The following TLN2 variants were observed in gnomAD, a reference collection of about 807,000 sequenced individuals.
The protein encoded by TLN2 is talin 2, also known as talin-2.
In TLN2, 118 loss-of-function variants were observed where a neutral mutation model predicts 294.7. The ratio of observed to expected loss-of-function variants is 0.40; its 90% CI spans 0.34 to 0.47. The LOEUF (loss-of-function observed/expected upper bound fraction) is 0.47, where lower values mean the gene tolerates loss of function less well. TLN2 is among the 20% of genes least tolerant of loss of function. The probability of loss-of-function intolerance (pLI) is 0.84; values close to 1 mark genes in which losing one functional copy is unlikely to be tolerated. For missense variants in TLN2, 3,083 were observed against 3,282.2 expected (o/e 0.94, Z 1.48); for synonymous variants, 1,431 against 1,304.5 (o/e 1.10, Z -2.09).
At chr15:62,582,219 C>CAGACACACACACAT (rs1555435622) in intron 1 of TLN2, among the ~76,000 whole-genome samples, 2 of 135,312 alleles carry the variant, frequency 1.5e-5, no homozygotes, top group Non-Finnish European at 3.2e-5. Flanking sequence ...CACACACACA[C>CAGACACACACACAT]ACACACACAC....
chr15:62,508,196 A>G (rs921662491), intron 1 of TLN2, among the ~76,000 whole-genome samples: 4 of 152,028 alleles, frequency 2.6e-5, no homozygotes, highest in Non-Finnish European at 5.9e-5. Context: ...AGCCCTATAG[A>G]TGATTTTTTA....
intron 1 of TLN2, among the ~76,000 whole-genome samples, chr15:62,508,792 G>T (rs1042832306): frequency 4.6e-5 from 7 of 151,674 alleles, no homozygotes; most frequent in African/African-American, 9.7e-5. Flanking sequence ...TTACGTTTTT[G>T]TGTGTGTGTG....
At position 62,689,068 on chromosome 15, in the gene TLN2, C is replaced by CTCTT. The variant is rs1370271461; in HGVS notation, c.1113+2273_1113+2274insCTTT. Among the ~76,000 whole-genome samples the CTCTT allele has an allele frequency of 2.2e-4, 26 of 116,640 alleles. No individual in the cohort carries two copies. In the East Asian group the frequency reaches 4.3e-3, roughly 19 times the overall value. 76.5% of individuals were successfully genotyped at this position (116,640 alleles called of 152,430 possible). On this transcript the variant is annotated intron_variant, in intron 12 of 58. Transcript: ENST00000636159. ...GTTTGTCCACTTTATTTCTCTCTCTCTTTTTTTTTTTTTTTTTGCCTTTTC... is the reference window on the plus strand; with the variant it reads ...GTTTGTCCACTTTATTTCTCTCTCTCTCTTTTTTTTTTTTTTTTTTTGCCTTTTC...
chr15:62,753,941 T>A, intron 36 of TLN2, 25 bp downstream of exon 36: 1 of 1,551,584 alleles, frequency 6.4e-7, no homozygotes, highest in Non-Finnish European at 8.7e-7. Flanking sequence ...GGATGTAAGA[T>A]TTCAAGCCCT....
intron 1 of TLN2, among the ~76,000 whole-genome samples, chr15:62,564,916 A>AT (rs1412903757): frequency 0.01 from 1,363 of 134,362 alleles, 24 homozygotes; most frequent in African/African-American, 0.037. Context: ...AAAAAAAAAA[A>AT]AAAAAAAAAA....
At chr15:62,550,200 G>A (rs779837430) in intron 1 of TLN2, among the ~76,000 whole-genome samples, 1 of 152,120 alleles carries the variant, frequency 6.6e-6, no homozygotes, top group Admixed American at 6.6e-5. Flanking sequence ...GAAGTTAAAG[G>A]CATCAGCCAG....
chr15:62,650,733 G>A (rs1567264454), intron 5 of TLN2, among the ~76,000 whole-genome samples: 1 of 152,162 alleles, frequency 6.6e-6, no homozygotes, highest in Non-Finnish European at 1.5e-5. Context: ...CCGGGTTTTG[G>A]TATGTAGGGT....
chr15:62,532,763 C>T lies in TLN2; in HGVS notation c.-237-56924C>T, dbSNP rs117108781. Among the ~76,000 whole-genome samples the T allele has an allele frequency of 5.8e-3, 879 of 152,224 alleles. 3 individuals carry two copies. The highest frequency in any genetic ancestry group is 9.2e-3 in the Non-Finnish European group (629 of 68,018). On this transcript the variant is annotated intron_variant, in intron 1 of 58. Coordinates refer to ENST00000636159, the MANE Select transcript of TLN2 (RefSeq NM_015059.3). ...TAGTGTTTTAGCCACAATCATTTAC[C>T]TGCTGTGTGACCTTGGGTAAGAATT...
At chr15:62,608,658 G>C (rs2047652423) in intron 2 of TLN2, among the ~76,000 whole-genome samples, 1 of 152,128 alleles carries the variant, frequency 6.6e-6, no homozygotes, top group South Asian at 2.1e-4. Flanking sequence ...GGAAGACACG[G>C]GGACAAGGGA....
chr15:62,421,071 T>C (rs1352583541), intron 1 of TLN2, among the ~76,000 whole-genome samples: 1 of 152,202 alleles, frequency 6.6e-6, no homozygotes, highest in Admixed American at 6.5e-5. Flanking sequence ...CTGGAAAACT[T>C]CATAATTTTG....
intron 19 of TLN2, among the ~76,000 whole-genome samples, chr15:62,703,759 C>T (rs557621062): frequency 2.0e-5 from 3 of 152,216 alleles, no homozygotes; most frequent in Admixed American, 2.0e-4. Context: ...CCTTCTTTTT[C>T]AATACCAGGG....
intron 33 of TLN2, among the ~76,000 whole-genome samples, chr15:62,749,442 A>C (rs2061798216): frequency 6.6e-6 from 1 of 152,226 alleles, no homozygotes. Flanking sequence ...TCCGTCCCTT[A>C]TTGATATCCT....
intron 11 of TLN2, among the ~76,000 whole-genome samples, chr15:62,677,023 C>A (rs952272054): frequency 1.3e-5 from 2 of 152,320 alleles, no homozygotes; most frequent in African/African-American, 4.8e-5. Flanking sequence ...TTCCCTGATT[C>A]ACAGATGGTG....
chr15:62,638,585 A>G (rs2050645094), intron 3 of TLN2: 1 of 455,834 alleles, frequency 2.2e-6, no homozygotes, highest in Non-Finnish European at 4.4e-6. Flanking sequence ...AACTTTGGGA[A>G]GGTCTCTTGA....
intron 4 of TLN2, among the ~76,000 whole-genome samples, chr15:62,647,783 T>C (rs565944531): frequency 6.6e-6 from 1 of 152,340 alleles, no homozygotes; most frequent in East Asian, 1.9e-4. Context: ...TGGCGGTATG[T>C]GTCCTAAACC....
At chr15:62,434,275 T>A (rs1234763707) in intron 1 of TLN2, among the ~76,000 whole-genome samples, 1 of 152,188 alleles carries the variant, frequency 6.6e-6, no homozygotes, top group Non-Finnish European at 1.5e-5. Context: ...ATATATAGTA[T>A]ATAAGGTGTG....
chr15:62,524,152 C>T (rs1419138766), intron 1 of TLN2, among the ~76,000 whole-genome samples: 1 of 152,302 alleles, frequency 6.6e-6, no homozygotes, highest in East Asian at 1.9e-4. Flanking sequence ...ACCTGGAATT[C>T]TTTGTGTGTG....
intron 7 of TLN2, among the ~76,000 whole-genome samples, chr15:62,653,706 G>A (rs775854164): frequency 6.6e-6 from 1 of 150,620 alleles, no homozygotes; most frequent in African/African-American, 2.4e-5. Flanking sequence ...CAGCCTGGGT[G>A]ACAGAGTGAG....
At chr15:62,784,116 G>A in intron 45 of TLN2, 1 of 643,160 alleles carries the variant, frequency 1.6e-6, no homozygotes, top group Non-Finnish European at 2.5e-6. Context: ...TGGGGCATGG[G>A]CTTTCAGACA....
Sources: allele counts gnomAD v4.1 joint callset (sites outside exome capture counted in the v4.1 genomes callset), GRCh38; gene constraint gnomAD v4.1.1; transcripts MANE v1.5; gene names NCBI Gene and HGNC (gene_info 2026-07-23, HGNC 2026-07-21).